Variants in EHBP1 observed in about 807,000 individuals in gnomAD.
EHBP1 encodes the protein EH domain binding protein 1, also known as EH domain-binding protein 1.
EHBP1 carries 55 observed loss-of-function variants against 144.0 expected under a neutral mutation model. The ratio of observed to expected loss-of-function variants is 0.38; its 90% CI spans 0.31 to 0.48. EHBP1 has a LOEUF of 0.48. Ranked by LOEUF, EHBP1 falls within the 20% of genes least tolerant of loss-of-function variation. The probability of loss-of-function intolerance (pLI) is 0.98; values close to 1 mark genes in which losing one functional copy is unlikely to be tolerated. For synonymous variants in EHBP1, 469 were observed against 472.7 expected (o/e 0.99, Z 0.10); for missense variants, 1,200 against 1,364.2 (o/e 0.88, Z 1.90).
intron 19 of EHBP1, among the ~76,000 whole-genome samples, chr2:63,027,359 A>G (rs891706386): frequency 1.3e-5 from 2 of 152,210 alleles, no homozygotes; most frequent in African/African-American, 4.8e-5. Flanking sequence ...AGTGTACTCT[A>G]GTGAAGATAA....
At chr2:63,029,285 T>C (rs1055890105) in intron 19 of EHBP1, among the ~76,000 whole-genome samples, 4 of 152,046 alleles carry the variant, frequency 2.6e-5, no homozygotes, top group African/African-American at 9.7e-5. Flanking sequence ...TTGTACTGAT[T>C]CACCCACATT....
chr2:62,894,939 G>C (rs75194874), intron 10 of EHBP1, among the ~76,000 whole-genome samples: 1 of 151,188 alleles, frequency 6.6e-6, no homozygotes, highest in Non-Finnish European at 1.5e-5. Context: ...GAGAGAGAGA[G>C]AGAGAGAGAG....
intron 10 of EHBP1, among the ~76,000 whole-genome samples, chr2:62,888,985 G>A (rs1018458360): frequency 7.0e-6 from 1 of 143,136 alleles, no homozygotes; most frequent in African/African-American, 2.5e-5. Flanking sequence ...AGGCATGCAA[G>A]TACAAACTTG....
intron 7 of EHBP1, among the ~76,000 whole-genome samples, chr2:62,840,274 C>T (rs1402556623): frequency 6.7e-6 from 1 of 148,378 alleles, no homozygotes; most frequent in Non-Finnish European, 1.5e-5. Flanking sequence ...GCTGGGAAAA[C>T]TGGCTAGCCA....
At chr2:62,828,167 G>A (rs1558743964) in intron 6 of EHBP1, among the ~76,000 whole-genome samples, 1 of 152,126 alleles carries the variant, frequency 6.6e-6, no homozygotes, top group Non-Finnish European at 1.5e-5. Context: ...TTTAAAACCA[G>A]TTTAGTCTGT....
At chr2:62,926,004 A>G (rs1258164532) in intron 10 of EHBP1, among the ~76,000 whole-genome samples, 1 of 152,200 alleles carries the variant, frequency 6.6e-6, no homozygotes, top group Non-Finnish European at 1.5e-5. Flanking sequence ...CTCAAAGTGT[A>G]TGACAAAACT....
chr2:62,986,327 A>T (rs957478984), intron 15 of EHBP1, among the ~76,000 whole-genome samples: 1 of 152,174 alleles, frequency 6.6e-6, no homozygotes, highest in Non-Finnish European at 1.5e-5. Context: ...TTAAATAATG[A>T]AGCCATGTAT....
intron 5 of EHBP1, among the ~76,000 whole-genome samples, chr2:62,803,242 A>G (rs2044173639): frequency 6.6e-6 from 1 of 152,166 alleles, no homozygotes; most frequent in Non-Finnish European, 1.5e-5. Context: ...CTCAAAAAAA[A>G]AAAAAAAATT....
chr2:62,792,566 C>G (rs2043232168), intron 5 of EHBP1, among the ~76,000 whole-genome samples: 1 of 151,986 alleles, frequency 6.6e-6, no homozygotes, highest in Non-Finnish European at 1.5e-5. Context: ...TATTTATATA[C>G]TATATTTATG....
chr2:62,794,300 G>A (rs1175801938), intron 5 of EHBP1, among the ~76,000 whole-genome samples: 1 of 151,956 alleles, frequency 6.6e-6, no homozygotes, highest in East Asian at 1.9e-4. Flanking sequence ...ATCAAAATAG[G>A]TGTTGTGAGA....
At chr2:62,730,578 T>C (rs1008293733) in intron 2 of EHBP1, among the ~76,000 whole-genome samples, 9 of 152,140 alleles carry the variant, frequency 5.9e-5, no homozygotes, top group South Asian at 2.1e-4. Flanking sequence ...TTCTAAGTTT[T>C]GACAATTATG....
At chr2:62,930,825 G>T (rs1300500383) in intron 10 of EHBP1, among the ~76,000 whole-genome samples, 1 of 152,128 alleles carries the variant, frequency 6.6e-6, no homozygotes, top group African/African-American at 2.4e-5. Context: ...GATGTCACAT[G>T]CAAAAGAATG....
intron 6 of EHBP1, among the ~76,000 whole-genome samples, chr2:62,830,020 A>G (rs1352934178): frequency 1.3e-5 from 2 of 151,116 alleles, no homozygotes; most frequent in Non-Finnish European, 2.9e-5. Flanking sequence ...AAGTTATTAC[A>G]GGAAAAAGAC....
At chr2:62,995,279 A>G (rs1305438765) in intron 18 of EHBP1, among the ~76,000 whole-genome samples, 1 of 152,142 alleles carries the variant, frequency 6.6e-6, no homozygotes, top group Non-Finnish European at 1.5e-5. Context: ...AAATCAAACT[A>G]TCCTGAGAAA....
intron 5 of EHBP1, among the ~76,000 whole-genome samples, chr2:62,781,079 A>G (rs977043255): frequency 6.6e-6 from 1 of 152,154 alleles, no homozygotes. Flanking sequence ...TGTAATGGTG[A>G]AAAAGGTGTG....
At chr2:62,703,747 T>C (rs1342376042), upstream of EHBP1, among the ~76,000 whole-genome samples, 1 of 152,250 alleles carries the variant, frequency 6.6e-6, no homozygotes, top group Non-Finnish European at 1.5e-5. Flanking sequence ...CTAGGGATCC[T>C]ACTCCTTTAT....
rs572142653 is a variant in EHBP1 at position 62,733,475 on chromosome 2, A to G, written c.105-13920A>G. On this transcript the variant is annotated intron_variant, in intron 2 of 22. Coordinates refer to ENST00000431489, the MANE Select transcript of EHBP1 (RefSeq NM_001142616.3). ...GGTGTGGAGGAATGGGAAGTATTCT[A>G]TAGTCCTATAATCAGGCTTTTAGTG... Among the ~76,000 whole-genome samples the G allele has an allele frequency of 8.9e-4, 136 of 152,326 alleles. 1 individual carries two copies. Among genetic ancestry groups the G allele is most frequent in the African/African-American group, 3.2e-3 (132 of 41,578 alleles).
At chr2:62,802,494 C>T (rs887696045) in intron 5 of EHBP1, among the ~76,000 whole-genome samples, 1 of 152,112 alleles carries the variant, frequency 6.6e-6, no homozygotes, top group Non-Finnish European at 1.5e-5. Context: ...CTTCCCCATA[C>T]ACACATACTT....
rs149595249 is a variant in EHBP1, at chr2:62,834,497, C to T, written c.634+3339C>T. On this transcript the variant is annotated intron_variant, in intron 7 of 22. Coordinates refer to ENST00000431489, the MANE Select transcript of EHBP1 (RefSeq NM_001142616.3). Reference sequence around the variant, plus strand: ...CAAAAAGATTATCACTTACTGAAGGCTCAGATGATTGTTAGCATTTTTTAA... The same window carrying T: ...CAAAAAGATTATCACTTACTGAAGGTTCAGATGATTGTTAGCATTTTTTAA... Among the ~76,000 whole-genome samples, 127 of 152,290 alleles carry T rather than the reference C, an allele frequency of 8.3e-4. 1 individual carries two copies. The highest frequency in any genetic ancestry group is 3.0e-3 in the African/African-American group (124 of 41,540).
Sources: allele counts gnomAD v4.1 joint callset (sites outside exome capture counted in the v4.1 genomes callset), GRCh38; gene constraint gnomAD v4.1.1; transcripts MANE v1.5; gene names NCBI Gene and HGNC (gene_info 2026-07-23, HGNC 2026-07-21).